The following MAP3K9 variants were observed in gnomAD, a reference collection of about 807,000 sequenced individuals.
MAP3K9 encodes mixed lineage kinase 1 (tyr and ser/thr specificity).
In MAP3K9, 46 loss-of-function variants were observed where a neutral mutation model predicts 95.8. The observed-to-expected ratio is 0.48, with a 90% CI of 0.38 to 0.61. The LOEUF (loss-of-function observed/expected upper bound fraction) is 0.61, where lower values mean the gene tolerates loss of function less well. Among genes scored for constraint, MAP3K9 ranks in the 20% least tolerant of loss-of-function variants. The pLI, the probability that MAP3K9 is intolerant of heterozygous loss-of-function variation, is 0.00. For missense variants in MAP3K9, 1,296 were observed against 1,474.3 expected, an observed-to-expected ratio of 0.88 and a Z score of 1.98; for synonymous variants, 533 against 593.8, an observed-to-expected ratio of 0.90 and a Z score of 1.49.
intron 5 of MAP3K9, among the ~76,000 whole-genome samples, chr14:70,746,665 T>C (rs1242271350): frequency 1.3e-5 from 2 of 152,206 alleles, no homozygotes; most frequent in African/African-American, 4.8e-5. Context: ...CTGACATCAT[T>C]GACACAGACA....
At chr14:70,760,499 GATAACTGGAAA>G (rs1167963005) in intron 3 of MAP3K9, among the ~76,000 whole-genome samples, 12 of 152,254 alleles carry the variant, frequency 7.9e-5, no homozygotes, top group African/African-American at 2.9e-4. Context: ...AGATGAACTA[GATAACTGGAAA>G]AGGTAATTTT....
rs1205183320 is a variant in MAP3K9 at position 70,744,679 on chromosome 14, T to A, written c.1327-2088A>T. On this transcript the variant is annotated intron_variant, in intron 5 of 11. Transcript: ENST00000554752. ...TCAGGCACTTGCTCTAGAACCAAAT[T>A]TGGCTGCTGCTCTATCACACTCCCC... Among the ~76,000 whole-genome samples the A allele has an allele frequency of 2.6e-5, 4 of 152,188 alleles. 1 individual carries two copies. In the East Asian group the frequency reaches 7.7e-4, roughly 29 times the overall value.
intron 4 of MAP3K9, chr14:70,749,448 T>C (rs181372822): frequency 1.2e-5 from 2 of 164,794 alleles, no homozygotes; most frequent in Admixed American, 1.2e-4. Flanking sequence ...AGCATTCTAG[T>C]GGGAGTCAGG....
rs189001445 is a variant in MAP3K9, at chr14:70,748,779, G to A, written c.1326+50C>T. 8.8e-6 allele frequency: 13 copies of A among 1,484,756 alleles called. No homozygotes were observed. The Admixed American group carries it at 1.7e-4, about 20-fold the overall frequency. 92.0% of individuals were successfully genotyped at this position (1,484,756 alleles called of 1,614,324 possible). A position where few individuals can be genotyped will look rare whatever the true frequency, so the allele number is the denominator to read the frequency against. The stretch of plus-strand genomic sequence containing the variant: ...AGTGAGGTCTACCAATTCAATGCAT[G>A]CCTTTTTTCTTTTCGTTCGTTTTTT... On this transcript the variant is annotated intron_variant, in intron 5 of 11. Transcript: ENST00000554752.
intron 2 of MAP3K9, among the ~76,000 whole-genome samples, chr14:70,766,931 C>T (rs2054463088): frequency 6.6e-6 from 1 of 152,210 alleles, no homozygotes; most frequent in Non-Finnish European, 1.5e-5. Flanking sequence ...ACTATATGCA[C>T]TTCTAATCAC....
At chr14:70,788,003 T>C (rs924822870) in intron 2 of MAP3K9, among the ~76,000 whole-genome samples, 3 of 152,174 alleles carry the variant, frequency 2.0e-5, no homozygotes, top group Admixed American at 6.5e-5. Flanking sequence ...GGGATTTCTA[T>C]GTTTTCATAG....
intron 2 of MAP3K9, among the ~76,000 whole-genome samples, chr14:70,794,558 A>C (rs1351736942): frequency 6.6e-6 from 1 of 152,176 alleles, no homozygotes; most frequent in Non-Finnish European, 1.5e-5. Flanking sequence ...CACATGCTAC[A>C]AGCAATATTT....
chr14:70,762,287 C>T (rs1204441077), intron 2 of MAP3K9, among the ~76,000 whole-genome samples: 1 of 152,034 alleles, frequency 6.6e-6, no homozygotes, highest in Non-Finnish European at 1.5e-5. Context: ...CATGGTAATT[C>T]GTGTTTATCT....
intron 2 of MAP3K9, among the ~76,000 whole-genome samples, chr14:70,764,876 A>G (rs2139790402): frequency 6.6e-6 from 1 of 152,182 alleles, no homozygotes; most frequent in East Asian, 1.9e-4. Flanking sequence ...AATAGAAAAA[A>G]GCTCATAGAA....
In MAP3K9 at chr14:70,742,608, A is replaced by G; in HGVS notation, c.1327-17T>C. On this transcript the variant is annotated splice_polypyrimidine_tract_variant and intron_variant, in intron 5 of 11. Transcript: ENST00000554752. The stretch of plus-strand genomic sequence containing the variant: ...GCGAAGTTCCTGCAGGATGGGCAGA[A>G]CCATCAGAGAAAAGACTGGGGTGCT... 1 of 1,611,988 alleles carries G rather than the reference A, an allele frequency of 6.2e-7. No individual in the cohort carries two copies. Among genetic ancestry groups the G allele is most frequent in the South Asian group, 1.1e-5 (1 of 90,814 alleles).
intron 2 of MAP3K9, among the ~76,000 whole-genome samples, chr14:70,762,500 A>T (rs1025843209): frequency 6.6e-6 from 1 of 152,226 alleles, no homozygotes; most frequent in African/African-American, 2.4e-5. Context: ...GACTAATGAT[A>T]TTGAACATCT....
intron 2 of MAP3K9, among the ~76,000 whole-genome samples, chr14:70,783,745 G>T (rs1003129940): frequency 6.6e-6 from 1 of 152,146 alleles, no homozygotes; most frequent in East Asian, 1.9e-4. Context: ...TCTTGCTCAC[G>T]CATGGTCCAT....
chr14:70,808,135 TC>T (rs1411568636), intron 1 of MAP3K9, among the ~76,000 whole-genome samples: 3 of 152,116 alleles, frequency 2.0e-5, no homozygotes, highest in Non-Finnish European at 4.4e-5. Context: ...AACACACACA[TC>T]CCTCTTAGCA....
At chr14:70,792,589 A>T (rs1404633778) in intron 2 of MAP3K9, among the ~76,000 whole-genome samples, 1 of 152,168 alleles carries the variant, frequency 6.6e-6, no homozygotes, top group Non-Finnish European at 1.5e-5. Context: ...GCTACTCCTC[A>T]TCCTTTTTCG....
chr14:70,782,624 A>C (rs1421506675), intron 2 of MAP3K9, among the ~76,000 whole-genome samples: 9 of 152,168 alleles, frequency 5.9e-5, no homozygotes, highest in Admixed American at 2.0e-4. Flanking sequence ...CAACCTCTCC[A>C]TGTAAGAGCA....
chr14:70,730,920 G>A, intron 11 of MAP3K9, 56 bp from the exon 12 acceptor site: 3 of 1,526,062 alleles, frequency 2.0e-6, no homozygotes, highest in African/African-American at 2.7e-5. Flanking sequence ...TTCGGGGTTA[G>A]ATATCCGCTA....
intron 2 of MAP3K9, among the ~76,000 whole-genome samples, chr14:70,787,376 C>T (rs558098881): frequency 1.3e-5 from 2 of 151,912 alleles, no homozygotes; most frequent in South Asian, 2.1e-4. Context: ...GGTGTGGTGG[C>T]GGGCACCTGT....
chr14:70,796,989 A>G (rs1228677985), intron 2 of MAP3K9, among the ~76,000 whole-genome samples: 1 of 152,218 alleles, frequency 6.6e-6, no homozygotes, highest in Non-Finnish European at 1.5e-5. Context: ...CTGTATCAAC[A>G]TAGGATACTA....
rs1024166994 is a variant in MAP3K9 at position 70,732,789 on chromosome 14, A to G, written c.2580T>C (p.Tyr860=). The change falls in exon 11 of 12, where the codon TAT becomes TAC. Residue 860 remains tyrosine, a synonymous_variant. Transcript: ENST00000554752. ...CCTCGACTGGGCTGACTGGCATCTC[A>G]TACACGACAATTTCATCGCTGTCGG... ...LRSDSDEIVV[Y]EMPVSPVEAP... 3.1e-6 allele frequency: 5 copies of G among 1,613,810 alleles called. No homozygotes were observed. The African/African-American group carries it at 5.3e-5, about 17-fold the overall frequency.
Sources: allele counts gnomAD v4.1 joint callset (sites outside exome capture counted in the v4.1 genomes callset), GRCh38; gene constraint gnomAD v4.1.1; transcripts MANE v1.5; gene names NCBI Gene and HGNC (gene_info 2026-07-23, HGNC 2026-07-21).